The following CENPH variants were observed in gnomAD, a reference collection of about 807,000 sequenced individuals.
CENPH encodes centromere protein H, also known as CENP-H.
Under a neutral mutation model 42.9 loss-of-function variants are expected in CENPH, and 40 were observed. The observed-to-expected ratio is 0.93, with a 90% confidence interval of 0.72 to 1.21. The LOEUF is 1.21. Ranked by LOEUF, CENPH falls within the 50% of genes most tolerant of loss-of-function variation. The pLI is 0.00. For missense variants in CENPH, 302 were observed against 292.9 expected (o/e 1.03, Z -0.23); for synonymous variants, 88 against 96.5 (o/e 0.91, Z 0.52).
intron 3 of CENPH, among the ~76,000 whole-genome samples, chr5:69,194,980 A>G (rs1364968358): frequency 6.7e-6 from 1 of 149,886 alleles, no homozygotes; most frequent in Non-Finnish European, 1.5e-5. Context: ...CTGTAATCCC[A>G]GCACTTTGAG....
In CENPH at chr5:69,209,687, A is replaced by T. The variant is rs753943977; in HGVS notation, c.652-20A>T. 5 of 1,344,830 alleles carry T rather than the reference A, an allele frequency of 3.7e-6. No individual in the cohort carries two copies. The African/African-American group carries it at 5.8e-5, about 16-fold the overall frequency. 83.3% of individuals were successfully genotyped at this position (1,344,830 alleles called of 1,614,324 possible). ...TTTTTAAAGTACTTGTAACTTTAAA[A>T]CAATTTTTTTTCTTTACAGAACCTT... On this transcript the variant is annotated intron_variant, in intron 8 of 8. Coordinates refer to ENST00000283006, the MANE Select transcript of CENPH (RefSeq NM_022909.4).
rs1747950763 is a variant in CENPH, at chr5:69,195,649, A to G, written c.240-68A>G. On this transcript the variant is annotated intron_variant, in intron 3 of 8. Coordinates refer to ENST00000283006, the MANE Select transcript of CENPH (RefSeq NM_022909.4). ...TTTTACTTTTTTAAGGGCTTATTTT[A>G]TACATTTATTTCAATAATGTCTTTT... 4 of 902,930 alleles carry G rather than the reference A, an allele frequency of 4.4e-6. No individual in the cohort carries two copies. In the East Asian group the frequency reaches 1.0e-4, roughly 23 times the overall value. 55.9% of individuals were successfully genotyped at this position (902,930 alleles called of 1,614,324 possible). A position where few individuals can be genotyped will look rare whatever the true frequency, so the allele number is the denominator to read the frequency against.
chr5:69,192,200 C>G (rs549092413), intron 2 of CENPH, among the ~76,000 whole-genome samples: 1 of 152,208 alleles, frequency 6.6e-6, no homozygotes, highest in East Asian at 1.9e-4. Context: ...TGTGGCAAAA[C>G]TGGTAAACAT....
intron 5 of CENPH, among the ~76,000 whole-genome samples, chr5:69,197,658 T>G (rs1451816424): frequency 6.6e-6 from 1 of 150,990 alleles, no homozygotes; most frequent in Non-Finnish European, 1.5e-5. Context: ...GTTGTGGGGT[T>G]GGGGGAGTGG....
chr5:69,197,258 A>T, intron 5 of CENPH, 149 bp downstream of exon 5: 1 of 454,512 alleles, frequency 2.2e-6, no homozygotes. Flanking sequence ...CCCCAGAATT[A>T]CAGCAACTTT....
intron 7 of CENPH, among the ~76,000 whole-genome samples, chr5:69,206,485 TTTTG>T (rs958617628): frequency 5.4e-5 from 8 of 149,328 alleles, no homozygotes; most frequent in East Asian, 2.0e-4. Context: ...CCAGCCGGTG[TTTTG>T]TTTGTTTGTT....
intron 5 of CENPH, among the ~76,000 whole-genome samples, chr5:69,199,442 C>T (rs1748023397): frequency 6.6e-6 from 1 of 152,170 alleles, no homozygotes; most frequent in Non-Finnish European, 1.5e-5. Flanking sequence ...TTCCAAAGTG[C>T]TGAGATTACA....
chr5:69,193,958 G>A (rs1336693646), intron 2 of CENPH, among the ~76,000 whole-genome samples: 1 of 152,052 alleles, frequency 6.6e-6, no homozygotes, highest in Admixed American at 6.6e-5. Context: ...CTGGCCACAC[G>A]TGGCTTTTTA....
At chr5:69,209,032 T>C (rs1580231781) in intron 8 of CENPH, among the ~76,000 whole-genome samples, 1 of 151,854 alleles carries the variant, frequency 6.6e-6, no homozygotes, top group East Asian at 2.0e-4. Context: ...CGATGTCAGG[T>C]GATCCACCTG....
Position 69,191,844 on chromosome 5 carries a change from G to A in CENPH, c.184G>A (p.Asp62Asn). 6.6e-7 allele frequency: 1 copy of A among 1,524,022 alleles called. No homozygotes were observed. Among genetic ancestry groups the A allele is most frequent in the Non-Finnish European group, 9.1e-7 (1 of 1,100,428 alleles). The allele number at this position is 1,524,022 out of a possible 1,614,324, so 94.4% of individuals were successfully genotyped here. A position where few individuals can be genotyped will look rare whatever the true frequency, so the allele number is the denominator to read the frequency against. ...ACTCTTAGAATATAAATCAATGGTTGATGCAAGTAAGTATTTTCATTTTCA... is the reference window on the plus strand; with the variant it reads ...ACTCTTAGAATATAAATCAATGGTTAATGCAAGTAAGTATTTTCATTTTCA... ...QQLLEYKSMV[D>N]ASEEKTPEQI... Residue 62 changes from aspartate (D) to asparagine (N), a missense_variant, in exon 2 of 9, where the codon GAT becomes AAT. Asp to Asn is a conservative substitution (Grantham distance 23). Coordinates refer to ENST00000283006, the MANE Select transcript of CENPH (RefSeq NM_022909.4).
chr5:69,205,772 T>G (rs779082360), intron 7 of CENPH, among the ~76,000 whole-genome samples: 1 of 131,792 alleles, frequency 7.6e-6, no homozygotes, highest in Non-Finnish European at 1.6e-5. Context: ...GCAGTGGCAC[T>G]ATCTCAGCTC....
At chr5:69,206,995 C>A (rs1352710324) in intron 7 of CENPH, among the ~76,000 whole-genome samples, 1 of 151,932 alleles carries the variant, frequency 6.6e-6, no homozygotes, top group African/African-American at 2.4e-5. Flanking sequence ...TAAGAATGAG[C>A]CACCCATGCT....
chr5:69,192,589 G>A (rs1240497968), intron 2 of CENPH, among the ~76,000 whole-genome samples: 1 of 152,044 alleles, frequency 6.6e-6, no homozygotes, highest in South Asian at 2.1e-4. Flanking sequence ...GATTAGCCTG[G>A]GAAACAAAGT....
In CENPH at chr5:69,209,842, A is replaced by C. The variant is rs1230270099; in HGVS notation, c.*43A>C. ...CATATTTTACATTTCTGGCAATCTC[A>C]ACTCTTATTTGGAATACTTCTGTGC... On this transcript the variant is annotated 3_prime_UTR_variant, in exon 9 of 9. Transcript: ENST00000283006. 4 of 1,125,326 alleles carry C rather than the reference A, an allele frequency of 3.6e-6. No homozygotes were observed. The highest frequency in any genetic ancestry group is 3.6e-5 in the Admixed American group (2 of 55,754). 69.7% of individuals were successfully genotyped at this position (1,125,326 alleles called of 1,614,324 possible).
intron 5 of CENPH, among the ~76,000 whole-genome samples, chr5:69,200,955 CTCGAGCTTCTGACT>C (rs1748051979): frequency 2.0e-5 from 3 of 150,260 alleles, no homozygotes; most frequent in African/African-American, 7.3e-5. Context: ...CCAGGCTAGT[CTCGAGCTTCTGACT>C]TCAAGGGATC....
intron 5 of CENPH, among the ~76,000 whole-genome samples, chr5:69,197,774 C>G (rs891117560): frequency 1.2e-4 from 18 of 149,666 alleles, no homozygotes; most frequent in Non-Finnish European, 2.5e-4. Context: ...GCACGTTGTG[C>G]ACATGTACCT....
At chr5:69,197,234 T>G in intron 5 of CENPH, 125 bp downstream of exon 5, 3 of 500,274 alleles carry the variant, frequency 6.0e-6, no homozygotes, top group Non-Finnish European at 1.0e-5. Context: ...AGTGATGAAA[T>G]TTTTGTAGGT....
chr5:69,202,977 AG>A lies in CENPH; in HGVS notation c.487+8del, dbSNP rs1748082102. On this transcript the variant is annotated splice_region_variant and intron_variant, in intron 7 of 8. Transcript: ENST00000283006. ...ATTAGAAAGAAGAGATTGCGTATGT[AG>A]AACACTTTTTTTTTGGCAGAACACA... 1.9e-6 allele frequency: 3 copies of A among 1,577,806 alleles called. No homozygotes were observed. In the South Asian group the frequency reaches 3.4e-5, roughly 18 times the overall value.
At chr5:69,203,062 A>G (rs969297025) in intron 7 of CENPH, 92 bp downstream of exon 7, 3 of 853,068 alleles carry the variant, frequency 3.5e-6, no homozygotes, top group Non-Finnish European at 5.6e-6. Context: ...AAATTTCCTA[A>G]TTTCCGACTT....
Sources: allele counts gnomAD v4.1 joint callset (sites outside exome capture counted in the v4.1 genomes callset), GRCh38; gene constraint gnomAD v4.1.1; transcripts MANE v1.5; gene names NCBI Gene and HGNC (gene_info 2026-07-23, HGNC 2026-07-21).